NAV3: variants seen among roughly 807,000 people sequenced by gnomAD.
NAV3 encodes neuron navigator 3, also known as pore membrane and/or filament interacting like protein 1.
In NAV3, 87 loss-of-function variants were observed where a neutral mutation model predicts 244.7. The ratio of observed to expected loss-of-function variants is 0.36; its 90% CI spans 0.30 to 0.42. NAV3 has a LOEUF of 0.42. NAV3 is among the 20% of genes least tolerant of loss of function. The pLI, the probability that NAV3 is intolerant of heterozygous loss-of-function variation, is 1.00. For missense variants in NAV3, 2,663 were observed against 2,893.3 expected, an observed-to-expected ratio of 0.92 and a Z score of 1.83; for synonymous variants, 1,126 against 1,042.2, an observed-to-expected ratio of 1.08 and a Z score of -1.55.
In NAV3 at chr12:77,907,987, A is replaced by C. The variant is rs12306332; in HGVS notation, c.244-32332A>C. On this transcript the variant is annotated intron_variant, in intron 1 of 39. Coordinates refer to ENST00000397909, the MANE Select transcript of NAV3 (RefSeq NM_001024383.2). ...TTGATGACATGCATATTAAACACAA[A>C]GTGATTGCCACAGAATTTCCTTCCA... Among the ~76,000 whole-genome samples the C allele has an allele frequency of 6.1e-3, 923 of 152,238 alleles. 12 individuals are homozygous for C. The highest frequency in any genetic ancestry group is 0.021 in the African/African-American group (854 of 41,568).
At chr12:78,164,080 A>G (rs1413010890) in intron 23 of NAV3, among the ~76,000 whole-genome samples, 1 of 152,134 alleles carries the variant, frequency 6.6e-6, no homozygotes, top group East Asian at 1.9e-4. Flanking sequence ...TATATTTTTT[A>G]TAAGTAACAT....
chr12:77,809,246 C>T (rs1213134577), intron 2 of NAV3, among the ~76,000 whole-genome samples: 1 of 152,168 alleles, frequency 6.6e-6, no homozygotes, highest in Non-Finnish European at 1.5e-5. Flanking sequence ...GCTAGCTCGG[C>T]GTCTGCCCAA....
chr12:77,597,921 AGGTGGAAGAAGTAAAACG>A (rs1259609163), intron 2 of NAV3, among the ~76,000 whole-genome samples: 9 of 152,048 alleles, frequency 5.9e-5, no homozygotes, highest in African/African-American at 1.9e-4. Context: ...ATCTCTGACC[AGGTGGAAGAAGTAAAACG>A]GGGAATGGAA....
At chr12:77,674,564 AT>A (rs2137088555) in intron 2 of NAV3, among the ~76,000 whole-genome samples, 1 of 151,790 alleles carries the variant, frequency 6.6e-6, no homozygotes, top group African/African-American at 2.4e-5. Context: ...TCATTTTTAT[AT>A]TTTTTATACA....
chr12:78,143,265 G>T, intron 20 of NAV3: 1 of 408,136 alleles, frequency 2.5e-6, no homozygotes, highest in Non-Finnish European at 4.8e-6. Context: ...TCTGCAAAGT[G>T]GTTGGAAATC....
At chr12:77,797,302 G>A (rs952596025) in intron 2 of NAV3, among the ~76,000 whole-genome samples, 2 of 152,042 alleles carry the variant, frequency 1.3e-5, no homozygotes, top group African/African-American at 4.8e-5. Flanking sequence ...TATTACTCAA[G>A]TTCTCAGGCT....
chr12:78,188,454 A>G (rs1290732464), intron 32 of NAV3, 111 bp downstream of exon 32: 9 of 1,189,452 alleles, frequency 7.6e-6, no homozygotes, highest in Admixed American at 2.3e-5. Flanking sequence ...TCAAATAAGG[A>G]AAGCTTTCTG....
chr12:77,640,531 C>G (rs1872362810), intron 2 of NAV3, among the ~76,000 whole-genome samples: 2 of 152,056 alleles, frequency 1.3e-5, no homozygotes, highest in African/African-American at 4.8e-5. Flanking sequence ...GTATTTTTCT[C>G]TCTGTATTTT....
chr12:78,072,291 A>C (rs1223144088), intron 12 of NAV3, among the ~76,000 whole-genome samples: 1 of 144,850 alleles, frequency 6.9e-6, no homozygotes, highest in African/African-American at 2.6e-5. Context: ...ACCGCTAGCA[A>C]GACTAATAAA....
At chr12:77,683,288 A>G (rs574824934) in intron 2 of NAV3, among the ~76,000 whole-genome samples, 2 of 152,060 alleles carry the variant, frequency 1.3e-5, no homozygotes, top group African/African-American at 4.8e-5. Flanking sequence ...TCCATTGAGT[A>G]TTCTTGGCAT....
At chr12:77,605,309 C>G (rs1270756065) in intron 2 of NAV3, among the ~76,000 whole-genome samples, 1 of 152,052 alleles carries the variant, frequency 6.6e-6, no homozygotes, top group Non-Finnish European at 1.5e-5. Flanking sequence ...ATCAATAGCA[C>G]CTGCCCGATC....
At chr12:77,909,419 C>G (rs1243154382) in intron 1 of NAV3, among the ~76,000 whole-genome samples, 2 of 150,808 alleles carry the variant, frequency 1.3e-5, no homozygotes, top group Non-Finnish European at 3.0e-5. Flanking sequence ...TAAGAAATAC[C>G]AACTTAAAAT....
intron 3 of NAV3, among the ~76,000 whole-genome samples, chr12:77,958,290 A>G (rs1472798920): frequency 6.6e-6 from 1 of 152,194 alleles, no homozygotes; most frequent in Non-Finnish European, 1.5e-5. Context: ...TTTAGAATAT[A>G]TGAAAATAGT....
At chr12:77,699,492 T>G (rs1875465143) in intron 2 of NAV3, among the ~76,000 whole-genome samples, 1 of 152,140 alleles carries the variant, frequency 6.6e-6, no homozygotes, top group African/African-American at 2.4e-5. Context: ...TAGGGATGTC[T>G]TGTCTCTATG....
At chr12:78,182,308 T>C (rs1958531375) in intron 30 of NAV3, among the ~76,000 whole-genome samples, 1 of 151,990 alleles carries the variant, frequency 6.6e-6, no homozygotes, top group African/African-American at 2.4e-5. Flanking sequence ...AACAACATCC[T>C]CTATGTTGGC....
chr12:78,041,996 A>C, intron 9 of NAV3, among the ~76,000 whole-genome samples: 1 of 150,902 alleles, frequency 6.6e-6, no homozygotes, highest in Non-Finnish European at 1.5e-5. Context: ...CGTCCCATCT[A>C]CTTCCTTTTT....
At chr12:77,743,255 T>G (rs184416807) in intron 2 of NAV3, among the ~76,000 whole-genome samples, 1 of 152,088 alleles carries the variant, frequency 6.6e-6, no homozygotes. Flanking sequence ...AAATATGTGT[T>G]GAATGACGGT....
chr12:77,663,930 C>A (rs1167183667), intron 2 of NAV3, among the ~76,000 whole-genome samples: 1 of 152,132 alleles, frequency 6.6e-6, no homozygotes, highest in African/African-American at 2.4e-5. Context: ...GAACAATAGT[C>A]CCTGGCGTAT....
intron 31 of NAV3, among the ~76,000 whole-genome samples, chr12:78,185,956 A>ATAGT (rs1958698325): frequency 6.6e-6 from 1 of 151,934 alleles, no homozygotes; most frequent in Admixed American, 6.6e-5. Flanking sequence ...ACTTTAAAAA[A>ATAGT]TAGTTATTTC....
Sources: gnomAD v4.1 joint callset for allele counts (sites outside exome capture counted in the v4.1 genomes callset) on GRCh38, gnomAD v4.1.1 for gene constraint, MANE v1.5 for transcripts, NCBI Gene and HGNC (gene_info 2026-07-23, HGNC 2026-07-21) for gene names.